The following USH2A variants were observed in gnomAD, a reference collection of about 807,000 sequenced individuals.
USH2A encodes Usher syndrome 2A (autosomal recessive, mild).
USH2A carries 443 observed loss-of-function variants against 538.9 expected under a neutral mutation model. The ratio of observed to expected loss-of-function variants is 0.82; its 90% CI spans 0.76 to 0.89. The LOEUF is 0.89. Ranked by LOEUF, USH2A falls within the 40% of genes least tolerant of loss-of-function variation. USH2A has a pLI of 0.00. For missense variants in USH2A, 6,633 were observed against 6,324.8 expected (o/e 1.05, Z -1.65); for synonymous variants, 2,413 against 2,273.5 (o/e 1.06, Z -1.75).
At chr1:215,917,139 AT>A (rs1199059093) in intron 38 of USH2A, among the ~76,000 whole-genome samples, 2 of 151,638 alleles carry the variant, frequency 1.3e-5, no homozygotes, top group African/African-American at 2.4e-5. Context: ...GCCCAGAAGA[AT>A]TTTTTTTTGT....
intron 21 of USH2A, among the ~76,000 whole-genome samples, chr1:216,107,413 G>A (rs749961563): frequency 5.3e-5 from 8 of 151,508 alleles, no homozygotes; most frequent in Non-Finnish European, 1.0e-4. Flanking sequence ...AGGTAATTTT[G>A]GCTGATATAA....
intron 32 of USH2A, among the ~76,000 whole-genome samples, chr1:216,018,868 T>C (rs1003381618): frequency 6.6e-6 from 1 of 152,194 alleles, no homozygotes; most frequent in African/African-American, 2.4e-5. Flanking sequence ...CCTGTTTATC[T>C]AATTGACCCA....
intron 9 of USH2A, among the ~76,000 whole-genome samples, chr1:216,318,732 G>A (rs1172688300): frequency 1.3e-5 from 2 of 151,620 alleles, no homozygotes; most frequent in Non-Finnish European, 2.9e-5. Context: ...GGTACTTAAG[G>A]TCTAAATAAG....
At chr1:216,230,460 G>C (rs2035654651) in intron 14 of USH2A, among the ~76,000 whole-genome samples, 1 of 152,090 alleles carries the variant, frequency 6.6e-6, no homozygotes, top group South Asian at 2.1e-4. Flanking sequence ...GAGCGTCACA[G>C]ATTAAAATAT....
chr1:215,863,012 T>C (rs1161694119), intron 44 of USH2A, among the ~76,000 whole-genome samples: 1 of 152,138 alleles, frequency 6.6e-6, no homozygotes, highest in Non-Finnish European at 1.5e-5. Context: ...AACAGGAGTA[T>C]GATAGGAAGA....
intron 38 of USH2A, among the ~76,000 whole-genome samples, chr1:215,910,247 T>A (rs1328880375): frequency 1.3e-5 from 2 of 152,050 alleles, no homozygotes; most frequent in Non-Finnish European, 2.9e-5. Context: ...TAGCACTTTT[T>A]ACATTTTTAA....
chr1:216,185,647 G>A (rs2034584773), intron 20 of USH2A, among the ~76,000 whole-genome samples: 1 of 151,824 alleles, frequency 6.6e-6, no homozygotes, highest in Non-Finnish European at 1.5e-5. Flanking sequence ...AAATTGCAAT[G>A]TTAATAGTAG....
At chr1:215,995,918 T>G (rs1045037806) in intron 34 of USH2A, among the ~76,000 whole-genome samples, 3 of 151,948 alleles carry the variant, frequency 2.0e-5, no homozygotes, top group African/African-American at 7.3e-5. Context: ...ATTCTCTTTT[T>G]TTGTTGTTGT....
rs36126185 is a variant in USH2A at position 216,011,971 on chromosome 1, ATTTTTTTTTT to A, written c.6326-11419_6326-11410del. ...CTGTTCCTCAGCCTGATCACGCTTG[ATTTTTTTTTT>A]TTTTTTTTTTTTTTTTGAGACGGAG... is the stretch of plus-strand genomic sequence containing the variant. On this transcript the variant is annotated intron_variant, in intron 32 of 71. Transcript: ENST00000307340. Among the ~76,000 whole-genome samples, 17 of 28,518 alleles carry A rather than the reference ATTTTTTTTTT, an allele frequency of 6.0e-4. 3 individuals are homozygous for A. The highest frequency in any genetic ancestry group is 2.0e-3 in the African/African-American group (13 of 6,666). 18.7% of individuals were successfully genotyped at this position (28,518 alleles called of 152,430 possible). A position where few individuals can be genotyped will look rare whatever the true frequency, so the allele number is the denominator to read the frequency against.
At chr1:216,372,774 A>G (rs1389885294) in intron 3 of USH2A, among the ~76,000 whole-genome samples, 1 of 152,218 alleles carries the variant, frequency 6.6e-6, no homozygotes, top group Non-Finnish European at 1.5e-5. Context: ...ATACTGCTTA[A>G]AGAGGTGTCA....
intron 55 of USH2A, among the ~76,000 whole-genome samples, chr1:215,775,331 C>A (rs1661431280): frequency 6.6e-6 from 1 of 152,114 alleles, no homozygotes; most frequent in African/African-American, 2.4e-5. Flanking sequence ...TCGCACTGGA[C>A]CCCACAATTT....
chr1:215,844,790 T>G (rs1309477294), intron 45 of USH2A, among the ~76,000 whole-genome samples: 1 of 152,208 alleles, frequency 6.6e-6, no homozygotes, highest in Non-Finnish European at 1.5e-5. Context: ...CCACTAACAC[T>G]TATCTATTTT....
At chr1:216,085,111 A>G (rs2032087607) in intron 24 of USH2A, 1 of 497,008 alleles carries the variant, frequency 2.0e-6, no homozygotes, top group Admixed American at 3.4e-5. Flanking sequence ...ATGTTTATGC[A>G]GAAACCTTGG....
At chr1:216,351,191 T>G in intron 4 of USH2A, among the ~76,000 whole-genome samples, 1 of 152,186 alleles carries the variant, frequency 6.6e-6, no homozygotes, top group East Asian at 1.9e-4. Flanking sequence ...GAAAAACAGA[T>G]ATATTCAACA....
intron 47 of USH2A, among the ~76,000 whole-genome samples, chr1:215,826,946 A>G (rs1420810747): frequency 2.0e-5 from 3 of 152,172 alleles, no homozygotes; most frequent in African/African-American, 4.8e-5. Flanking sequence ...CTTCAAAGAT[A>G]TATGTCCTCG....
chr1:216,358,535 T>G (rs2038430768), intron 4 of USH2A, among the ~76,000 whole-genome samples: 1 of 152,130 alleles, frequency 6.6e-6, no homozygotes, highest in African/African-American at 2.4e-5. Context: ...ATAGGAACAT[T>G]CTGTACCTAT....
intron 67 of USH2A, among the ~76,000 whole-genome samples, chr1:215,646,683 T>C (rs1656861662): frequency 6.6e-6 from 1 of 152,084 alleles, no homozygotes; most frequent in African/African-American, 2.4e-5. Flanking sequence ...TGTGTCACCA[T>C]GCCTGGCTAA....
intron 21 of USH2A, among the ~76,000 whole-genome samples, chr1:216,116,508 G>A (rs964505647): frequency 3.3e-5 from 5 of 152,030 alleles, no homozygotes; most frequent in African/African-American, 1.2e-4. Flanking sequence ...ATTTTACTCT[G>A]GGGTTTTACA....
chr1:215,736,622 T>C (rs1284915139), intron 60 of USH2A, among the ~76,000 whole-genome samples: 1 of 151,900 alleles, frequency 6.6e-6, no homozygotes, highest in African/African-American at 2.4e-5. Flanking sequence ...GAAAGGGAGA[T>C]TTTCTTTAAT....
Sources: allele counts gnomAD v4.1 joint callset (sites outside exome capture counted in the v4.1 genomes callset), GRCh38; gene constraint gnomAD v4.1.1; transcripts MANE v1.5; gene names NCBI Gene and HGNC (gene_info 2026-07-23, HGNC 2026-07-21).